KIRREL3: variants seen among roughly 807,000 people sequenced by gnomAD.
The protein encoded by KIRREL3 is kirre like nephrin family adhesion molecule 3.
In KIRREL3, 36 loss-of-function variants were observed where a neutral mutation model predicts 89.7. The ratio of observed to expected loss-of-function variants is 0.40; its 90% CI spans 0.31 to 0.53. The LOEUF is 0.53. Among genes scored for constraint, KIRREL3 ranks in the 20% least tolerant of loss-of-function variants. KIRREL3 has a pLI of 0.49. For missense variants in KIRREL3, 864 were observed against 1,056.6 expected (o/e 0.82, Z 2.53); for synonymous variants, 445 against 441.4 (o/e 1.01, Z -0.10).
intron 1 of KIRREL3, among the ~76,000 whole-genome samples, chr11:126,919,272 G>A (rs1947173296): frequency 6.6e-6 from 1 of 152,128 alleles, no homozygotes; most frequent in Admixed American, 6.6e-5. Flanking sequence ...TTGCCCCTAA[G>A]ACAGGAGCAA....
At chr11:126,584,498 T>C (rs1198142820) in intron 1 of KIRREL3, among the ~76,000 whole-genome samples, 1 of 152,214 alleles carries the variant, frequency 6.6e-6, no homozygotes, top group Non-Finnish European at 1.5e-5. Flanking sequence ...CATTTTTGTC[T>C]ATGCTCCTCA....
In KIRREL3 at chr11:126,432,830, C is replaced by T. The variant is rs1329002965; in HGVS notation, c.1589-1304G>A. Among the ~76,000 whole-genome samples, 1 of 152,136 alleles carries T rather than the reference C, an allele frequency of 6.6e-6. No homozygotes were observed. Among genetic ancestry groups the T allele is most frequent in the Non-Finnish European group, 1.5e-5 (1 of 68,032 alleles). Reference sequence around the variant, plus strand: ...TTGGAGCAGAGCCTGGCACCCAGCCCTGTTTGGTGTTTGCTGTTGTTGTTA... The same window carrying T: ...TTGGAGCAGAGCCTGGCACCCAGCCTTGTTTGGTGTTTGCTGTTGTTGTTA... On this transcript the variant is annotated intron_variant, in intron 13 of 16. Coordinates refer to ENST00000525144, the MANE Select transcript of KIRREL3 (RefSeq NM_032531.4). This position sits in a 1 kb window ranked among gnomAD's most constrained non-coding sequence, Gnocchi z 6.2.
rs1244879056 is a variant in KIRREL3, at chr11:126,449,121, A to G, written c.885T>C (p.Ser295=). The G allele has an allele frequency of 6.2e-7, 1 of 1,613,996 alleles. No individual in the cohort carries two copies. The highest frequency in any genetic ancestry group is 1.7e-5 in the Admixed American group (1 of 60,030). Residue 295 remains serine, a synonymous_variant, in exon 8 of 17, where the codon TCT becomes TCC. Coordinates refer to ENST00000525144, the MANE Select transcript of KIRREL3 (RefSeq NM_032531.4). ...CCACTGTGGTCCTGTACACCTCTCCAGATGCCTCCTTGATGATCTGGCCCC... is the reference window on the plus strand; with the variant it reads ...CCACTGTGGTCCTGTACACCTCTCCGGATGCCTCCTTGATGATCTGGCCCC... ...AKRGQIIKEA[S]GEVYRTTVDY...
In KIRREL3 at chr11:126,903,953, A is replaced by G. The variant is rs2134857170; in HGVS notation, c.55+96502T>C. On this transcript the variant is annotated intron_variant, in intron 1 of 16. Transcript: ENST00000525144. The surrounding 1 kb of genome is among the most constrained non-coding windows in gnomAD (Gnocchi z 4.5). ...ATCCCTTGGTTCACCCTGGAACAGA[A>G]CCAGTTCTTTACAAGGTGACCCTAT... Among the ~76,000 whole-genome samples the G allele has an allele frequency of 6.6e-6, 1 of 152,296 alleles. No homozygotes were observed. The highest frequency in any genetic ancestry group is 1.9e-4 in the East Asian group (1 of 5,192).
Position 126,508,144 on chromosome 11 carries a change from C to T in KIRREL3, c.433+13171G>A, listed in dbSNP as rs944175731. 6.6e-6 allele frequency among the ~76,000 whole-genome samples: 1 copy of T among 152,186 alleles called. No individual in the cohort carries two copies. The highest frequency in any genetic ancestry group is 1.5e-5 in the Non-Finnish European group (1 of 68,032). On this transcript the variant is annotated intron_variant, in intron 4 of 16. Transcript: ENST00000525144. This position sits in a 1 kb window ranked among gnomAD's most constrained non-coding sequence, Gnocchi z 4.9. ...TCTCAGCTGCTAACATTGTTTCTGA[C>T]ATATTTTCACATGAAAACCTCTTCC...
intron 1 of KIRREL3, among the ~76,000 whole-genome samples, chr11:126,803,049 C>T (rs932840051): frequency 1.1e-4 from 16 of 152,236 alleles, no homozygotes; most frequent in African/African-American, 3.9e-4. Flanking sequence ...AATTAAGTGC[C>T]AGCCCAGATA....
chr11:126,767,733 C>T (rs1949874020), intron 1 of KIRREL3, among the ~76,000 whole-genome samples: 1 of 152,168 alleles, frequency 6.6e-6, no homozygotes, highest in South Asian at 2.1e-4. Flanking sequence ...TATGTTCAGC[C>T]TGATGCTAGA....
At chr11:126,841,334 G>A (rs965129470) in intron 1 of KIRREL3, among the ~76,000 whole-genome samples, 4 of 152,152 alleles carry the variant, frequency 2.6e-5, no homozygotes, top group African/African-American at 4.8e-5. Flanking sequence ...TAGGCAGAGC[G>A]AGGCGTGTTA....
rs978329980 is a variant in KIRREL3 at position 126,814,897 on chromosome 11, C to T, written c.55+185558G>A. Among the ~76,000 whole-genome samples, 1 of 152,116 alleles carries T rather than the reference C, an allele frequency of 6.6e-6. No individual in the cohort carries two copies. Among genetic ancestry groups the T allele is most frequent in the African/African-American group, 2.4e-5 (1 of 41,414 alleles). On this transcript the variant is annotated intron_variant, in intron 1 of 16. Coordinates refer to ENST00000525144, the MANE Select transcript of KIRREL3 (RefSeq NM_032531.4). The surrounding 1 kb of genome is among the most constrained non-coding windows in gnomAD (Gnocchi z 4.4). The stretch of plus-strand genomic sequence containing the variant: ...TGGCACACGTATCTATGTAACAAAC[C>T]TGCACATCCTGCCCATGTACCCCAG...
At position 126,601,792 on chromosome 11, in the gene KIRREL3, G is replaced by A. The variant is rs608070; in HGVS notation, c.56-38880C>T. Among the ~76,000 whole-genome samples, 48,972 of 152,000 alleles carry A rather than the reference G, an allele frequency of 0.32. 8,088 individuals are homozygous for A. Among genetic ancestry groups the A allele is most frequent in the Admixed American group, 0.45 (6,839 of 15,268 alleles). ...CCCCCTGAATTCCATCCCCTGCCGC[G>A]TCCATTTCTAGGAGCTCCATTCCCT... On this transcript the variant is annotated intron_variant, in intron 1 of 16. Transcript: ENST00000525144. This position sits in a 1 kb window ranked among gnomAD's most constrained non-coding sequence, Gnocchi z 5.8.
rs1958527963 is a variant in KIRREL3, at chr11:126,519,787, C to T, written c.433+1528G>A. The stretch of plus-strand genomic sequence containing the variant: ...CAGAAACAATATGAGGCCCTAATTC[C>T]TCCTCCTCTCCTCCCACAACCCCCA... On this transcript the variant is annotated intron_variant, in intron 4 of 16. Coordinates refer to ENST00000525144, the MANE Select transcript of KIRREL3 (RefSeq NM_032531.4). The surrounding 1 kb of genome is among the most constrained non-coding windows in gnomAD (Gnocchi z 4.3). Among the ~76,000 whole-genome samples, 1 of 152,154 alleles carries T rather than the reference C, an allele frequency of 6.6e-6. No homozygotes were observed. The highest frequency in any genetic ancestry group is 2.4e-5 in the African/African-American group (1 of 41,424).
chr11:126,921,746 CTTCT>C (rs1450187799), intron 1 of KIRREL3, among the ~76,000 whole-genome samples: 16 of 133,868 alleles, frequency 1.2e-4, no homozygotes, highest in Non-Finnish European at 1.6e-4. Flanking sequence ...CTATATCTGT[CTTCT>C]ATCTATCTAT....
chr11:126,449,127 C>T lies in KIRREL3; in HGVS notation c.879G>A (p.Glu293=), dbSNP rs758705887. ...RWAKRGQIIK[E]ASGEVYRTTV... is the part of the protein sequence containing the mutation. ...TGGTCCTGTACACCTCTCCAGATGC[C>T]TCCTTGATGATCTGGCCCCGCTTGG... Residue 293 remains glutamate (E), a synonymous_variant, in exon 8 of 17, where the codon GAG becomes GAA. Transcript: ENST00000525144. 1 of 1,613,880 alleles carries T rather than the reference C, an allele frequency of 6.2e-7. No homozygotes were observed. Among genetic ancestry groups the T allele is most frequent in the African/African-American group, 1.3e-5 (1 of 74,934 alleles).
At chr11:126,925,137 G>C (rs1947655329) in intron 1 of KIRREL3, among the ~76,000 whole-genome samples, 1 of 141,100 alleles carries the variant, frequency 7.1e-6, no homozygotes, top group Non-Finnish European at 1.5e-5. Context: ...ATTGTGCAAA[G>C]CCCTGCAAGG....
At position 126,906,367 on chromosome 11, in the gene KIRREL3, C is replaced by A. The variant is rs1946582178; in HGVS notation, c.55+94088G>T. Among the ~76,000 whole-genome samples, 2 of 152,098 alleles carry A rather than the reference C, an allele frequency of 1.3e-5. No homozygotes were observed. Among genetic ancestry groups the A allele is most frequent in the African/African-American group, 4.8e-5 (2 of 41,440 alleles). The stretch of plus-strand genomic sequence containing the variant: ...AAAAGGTAGGGAGGTATTGGGAGAA[C>A]TGGAATGATCAGTCTTATCAAAAGA... On this transcript the variant is annotated intron_variant, in intron 1 of 16. Transcript: ENST00000525144. This position sits in a 1 kb window ranked among gnomAD's most constrained non-coding sequence, Gnocchi z 4.1.
chr11:126,604,234 C>T (rs1301248493), intron 1 of KIRREL3, among the ~76,000 whole-genome samples: 4 of 152,146 alleles, frequency 2.6e-5, no homozygotes, highest in Admixed American at 1.3e-4. Flanking sequence ...GAACCGAAAA[C>T]GAGGACGCAG....
chr11:126,842,175 C>T lies in KIRREL3; in HGVS notation c.55+158280G>A, dbSNP rs572461022. ...GAGTGGTTGCTGTTCGGAGGGCCAG[C>T]TCTGTCAGGAGCTCTATCTGGACTC... On this transcript the variant is annotated intron_variant, in intron 1 of 16. Transcript: ENST00000525144. Among the ~76,000 whole-genome samples, 4 of 152,276 alleles carry T rather than the reference C, an allele frequency of 2.6e-5. No individual in the cohort carries two copies. The South Asian group carries it at 6.2e-4, about 24-fold the overall frequency.
intron 4 of KIRREL3, among the ~76,000 whole-genome samples, chr11:126,483,009 A>G (rs927485568): frequency 1.3e-5 from 2 of 152,252 alleles, no homozygotes; most frequent in Non-Finnish European, 2.9e-5. Context: ...GCAGAAGCAA[A>G]AAGTTTACTC....
chr11:126,910,803 C>T (rs890567664), intron 1 of KIRREL3, among the ~76,000 whole-genome samples: 2 of 152,240 alleles, frequency 1.3e-5, no homozygotes, highest in Admixed American at 6.5e-5. Flanking sequence ...ATGTGTCAGG[C>T]TCCATTCACC....
Sources: allele counts gnomAD v4.1 joint callset (sites outside exome capture counted in the v4.1 genomes callset), GRCh38; gene constraint gnomAD v4.1.1; non-coding constraint Gnocchi (gnomAD v3.1); transcripts MANE v1.5; gene names NCBI Gene and HGNC (gene_info 2026-07-23, HGNC 2026-07-21).